GALNT17: variants seen among roughly 807,000 people sequenced by gnomAD.
The protein encoded by GALNT17 is UDP-GalNAc:polypeptide N-acetylgalactosaminyltransferase-like 3.
Under a neutral mutation model 63.7 loss-of-function variants are expected in GALNT17, and 29 were observed. The ratio of observed to expected loss-of-function variants is 0.46; its 90% CI spans 0.34 to 0.62. GALNT17 has a LOEUF of 0.62. GALNT17 is among the 20% of genes least tolerant of loss of function. The pLI is 0.01. For missense variants in GALNT17, 603 were observed against 799.6 expected (o/e 0.75, Z 2.97); for synonymous variants, 305 against 318.3 (o/e 0.96, Z 0.45).
chr7:71,486,724 A>G (rs919267031), intron 5 of GALNT17, among the ~76,000 whole-genome samples: 46 of 151,632 alleles, frequency 3.0e-4, no homozygotes, highest in Admixed American at 2.8e-3. Flanking sequence ...AAAGCCAAGC[A>G]TGGTGATATG....
intron 1 of GALNT17, among the ~76,000 whole-genome samples, chr7:71,155,050 A>C (rs772124525): frequency 1.1e-4 from 17 of 151,716 alleles, no homozygotes; most frequent in Non-Finnish European, 2.4e-4. Context: ...TAAGAATTTC[A>C]GTTGTCTTTC....
rs568030060 is a variant in GALNT17 at position 71,416,084 on chromosome 7, CAG to C, written c.764+22_764+23del. 1,382 of 1,594,410 alleles carry C rather than the reference CAG, an allele frequency of 8.7e-4. 4 individuals are homozygous for C. Among genetic ancestry groups the C allele is most frequent in the Non-Finnish European group, 5.1e-4 (602 of 1,170,314 alleles). ...GGCTGGTAGGTCATGAGCTGAAACTCAGGGGTGCTCAAGACCTGCATTGTGGT... is the reference window on the plus strand; with the variant it reads ...GGCTGGTAGGTCATGAGCTGAAACTCGGGTGCTCAAGACCTGCATTGTGGT... On this transcript the variant is annotated intron_variant, in intron 4 of 10. Transcript: ENST00000333538.
chr7:71,170,227 C>G (rs915407479), intron 1 of GALNT17, among the ~76,000 whole-genome samples: 1 of 152,196 alleles, frequency 6.6e-6, no homozygotes, highest in African/African-American at 2.4e-5. Flanking sequence ...AATATTTTCA[C>G]TTCCATAAGA....
chr7:71,453,541 A>C (rs1483880013), intron 5 of GALNT17, among the ~76,000 whole-genome samples: 1 of 152,104 alleles, frequency 6.6e-6, no homozygotes, highest in Non-Finnish European at 1.5e-5. Flanking sequence ...GGTTGGGGGA[A>C]ACTTCCCCCA....
Position 71,275,619 on chromosome 7 carries a change from G to A in GALNT17, c.239-59931G>A, listed in dbSNP as rs115647017. On this transcript the variant is annotated intron_variant, in intron 1 of 10. Coordinates refer to ENST00000333538, the MANE Select transcript of GALNT17 (RefSeq NM_022479.3). Reference sequence around the variant, plus strand: ...TGTCACATGTAAAGGCTCTATCTACGGCAGTTCCATGGGGGACACAAATAG... The same window carrying A: ...TGTCACATGTAAAGGCTCTATCTACAGCAGTTCCATGGGGGACACAAATAG... Among the ~76,000 whole-genome samples, 762 of 152,248 alleles carry A rather than the reference G, an allele frequency of 5.0e-3. 7 individuals are homozygous for A. Among genetic ancestry groups the A allele is most frequent in the African/African-American group, 0.017 (705 of 41,544 alleles).
At chr7:71,227,270 G>A (rs779336718) in intron 1 of GALNT17, among the ~76,000 whole-genome samples, 5 of 151,692 alleles carry the variant, frequency 3.3e-5, no homozygotes, top group African/African-American at 1.2e-4. Flanking sequence ...AGACTGAGGC[G>A]GGAGAATTGC....
At chr7:71,309,036 G>A (rs192975491) in intron 1 of GALNT17, among the ~76,000 whole-genome samples, 9 of 152,162 alleles carry the variant, frequency 5.9e-5, no homozygotes, top group East Asian at 5.8e-4. Flanking sequence ...GAGCCACTGC[G>A]CCCAGCTCAT....
intron 6 of GALNT17, among the ~76,000 whole-genome samples, chr7:71,657,387 C>A (rs1320435566): frequency 1.3e-5 from 2 of 152,112 alleles, no homozygotes; most frequent in African/African-American, 4.8e-5. Flanking sequence ...TTTTAAACAT[C>A]AAAAATGTTT....
intron 5 of GALNT17, among the ~76,000 whole-genome samples, chr7:71,559,084 A>G (rs570501032): frequency 1.3e-5 from 2 of 152,352 alleles, no homozygotes; most frequent in South Asian, 4.1e-4. Flanking sequence ...CTTAAAGGCA[A>G]AGCACTGGCC....
chr7:71,309,461 T>C (rs1353494818), intron 1 of GALNT17, among the ~76,000 whole-genome samples: 1 of 152,122 alleles, frequency 6.6e-6, no homozygotes, highest in African/African-American at 2.4e-5. Context: ...GAGGAAGCCA[T>C]GCATGCTCCC....
chr7:71,329,144 G>C (rs974537878), intron 1 of GALNT17, among the ~76,000 whole-genome samples: 5 of 152,144 alleles, frequency 3.3e-5, no homozygotes, highest in Non-Finnish European at 7.3e-5. Flanking sequence ...AAGAATCAGA[G>C]GTTTTTCTGT....
At chr7:71,607,809 T>C (rs1439965159) in intron 6 of GALNT17, among the ~76,000 whole-genome samples, 1 of 152,226 alleles carries the variant, frequency 6.6e-6, no homozygotes, top group Admixed American at 6.5e-5. Flanking sequence ...TGGTACTTTC[T>C]CAATAGAGTA....
At chr7:71,608,115 T>C (rs1790073103) in intron 6 of GALNT17, among the ~76,000 whole-genome samples, 6 of 152,214 alleles carry the variant, frequency 3.9e-5, no homozygotes, top group Admixed American at 2.6e-4. Flanking sequence ...ATTATTCCTG[T>C]TGAGCTGACA....
chr7:71,374,310 A>G (rs1471882539), intron 2 of GALNT17, among the ~76,000 whole-genome samples: 1 of 152,194 alleles, frequency 6.6e-6, no homozygotes, highest in Non-Finnish European at 1.5e-5. Flanking sequence ...GGAATCCTAC[A>G]TGACTGGCTT....
At chr7:71,701,910 T>TAC (rs1385128987) in intron 9 of GALNT17, among the ~76,000 whole-genome samples, 39 of 129,228 alleles carry the variant, frequency 3.0e-4, no homozygotes, top group African/African-American at 8.7e-4. Flanking sequence ...TATATATATA[T>TAC]ACATATATAT....
At chr7:71,253,884 G>A (rs1790244552) in intron 1 of GALNT17, among the ~76,000 whole-genome samples, 1 of 152,176 alleles carries the variant, frequency 6.6e-6, no homozygotes, top group South Asian at 2.1e-4. Context: ...CATTCCCCAG[G>A]GCGAGTTGTT....
intron 1 of GALNT17, among the ~76,000 whole-genome samples, chr7:71,152,782 G>A (rs1013260720): frequency 5.3e-5 from 8 of 152,028 alleles, no homozygotes; most frequent in Non-Finnish European, 1.2e-4. Flanking sequence ...ACAGGTGCCT[G>A]CCACCATGCC....
intron 5 of GALNT17, among the ~76,000 whole-genome samples, chr7:71,497,491 A>T (rs778870057): frequency 1.2e-4 from 19 of 152,200 alleles, no homozygotes; most frequent in Non-Finnish European, 2.6e-4. Flanking sequence ...GACAGTGAGC[A>T]CACCGAATTA....
intron 1 of GALNT17, among the ~76,000 whole-genome samples, chr7:71,221,089 A>G (rs897897249): frequency 6.6e-6 from 1 of 152,098 alleles, no homozygotes; most frequent in African/African-American, 2.4e-5. Flanking sequence ...CTAGACTTTC[A>G]TGGAACTTTC....
Sources: allele counts gnomAD v4.1 joint callset (sites outside exome capture counted in the v4.1 genomes callset), GRCh38; gene constraint gnomAD v4.1.1; transcripts MANE v1.5; gene names NCBI Gene and HGNC (gene_info 2026-07-23, HGNC 2026-07-21).